The following CLEC2A variants were observed in gnomAD, a reference collection of about 807,000 sequenced individuals.
The protein encoded by CLEC2A is C-type lectin domain family 2 member A.
A neutral mutation model predicts 18.6 loss-of-function variants in CLEC2A; 19 were observed. The ratio of observed to expected loss-of-function variants is 1.02; its 90% CI spans 0.71 to 1.50. CLEC2A has a LOEUF of 1.50. Ranked by LOEUF, CLEC2A falls within the 40% of genes most tolerant of loss-of-function variation. The probability of loss-of-function intolerance (pLI) is 0.00; values close to 1 mark genes in which losing one functional copy is unlikely to be tolerated. For synonymous variants in CLEC2A, 74 were observed against 64.0 expected, an observed-to-expected ratio of 1.16 and a Z score of -0.75; for missense variants, 190 against 207.9, an observed-to-expected ratio of 0.91 and a Z score of 0.53.
Position 9,913,296 on chromosome 12 carries a change from AG to A in CLEC2A, c.*269del. ...AGCTAATCACCAGTGTGATGGTATTAGGGGATGGAGCCATCCATCAGGAGGT... is the reference window on the plus strand; with the variant it reads ...AGCTAATCACCAGTGTGATGGTATTAGGGATGGAGCCATCCATCAGGAGGT... On this transcript the variant is annotated 3_prime_UTR_variant, in exon 5 of 5. Transcript: ENST00000455827. 1 of 385,764 alleles carries A rather than the reference AG, an allele frequency of 2.6e-6. No individual in the cohort carries two copies. The highest frequency in any genetic ancestry group is 7.7e-4 in the Middle Eastern group (1 of 1,296). The allele number at this position is 385,764 out of a possible 1,614,324, so 23.9% of individuals were successfully genotyped here. A position where few individuals can be genotyped will look rare whatever the true frequency, so the allele number is the denominator to read the frequency against.
the CLEC2A span, among the ~76,000 whole-genome samples, chr12:9,885,594 A>C: frequency 6.6e-6 from 1 of 151,974 alleles, no homozygotes; most frequent in South Asian, 2.1e-4. Context: ...GTCCTAAAGC[A>C]ACTTCTGTAG....
At chr12:9,882,098 C>T in the CLEC2A span, among the ~76,000 whole-genome samples, 96 of 151,306 alleles carry the variant, frequency 6.3e-4, no homozygotes, top group African/African-American at 2.2e-3. Flanking sequence ...ACTGGGAATG[C>T]GAGAAGAGAG....
chr12:9,918,526 G>A (rs559904713), intron 3 of CLEC2A, among the ~76,000 whole-genome samples: 26 of 152,324 alleles, frequency 1.7e-4, no homozygotes, highest in African/African-American at 6.3e-4. Context: ...TTGCAGTCAG[G>A]TAACATGATG....
intron 4 of CLEC2A, among the ~76,000 whole-genome samples, chr12:9,899,856 C>G (rs1444273248): frequency 6.6e-6 from 1 of 152,204 alleles, no homozygotes; most frequent in Admixed American, 6.5e-5. Context: ...TTAACTTCCA[C>G]TATCATCTGC....
chr12:9,930,940 AC>A (rs1294228893), intron 1 of CLEC2A, among the ~76,000 whole-genome samples: 2 of 151,916 alleles, frequency 1.3e-5, no homozygotes, highest in African/African-American at 4.8e-5. Flanking sequence ...TATTTCAAAC[AC>A]TATATTTCTA....
At chr12:9,912,863 C>T (rs1863008910), downstream of CLEC2A, among the ~76,000 whole-genome samples, 1 of 152,174 alleles carries the variant, frequency 6.6e-6, no homozygotes, top group Admixed American at 6.5e-5. Context: ...CTGCCTGTCT[C>T]ATTTTCACAC....
downstream of CLEC2A, among the ~76,000 whole-genome samples, chr12:9,894,851 T>C (rs935558253): frequency 6.6e-6 from 1 of 152,018 alleles, no homozygotes; most frequent in African/African-American, 2.4e-5. Flanking sequence ...CTAATTTTTA[T>C]TATAATTAAT....
chr12:9,889,568 T>C, the CLEC2A span, among the ~76,000 whole-genome samples: 2 of 152,120 alleles, frequency 1.3e-5, no homozygotes, highest in Admixed American at 6.5e-5. Flanking sequence ...TGTTGGCCTA[T>C]TCTGTGCGTT....
chr12:9,892,974 T>C, the CLEC2A span: 1 of 1,421,954 alleles, frequency 7.0e-7, no homozygotes, highest in Non-Finnish European at 9.5e-7. Flanking sequence ...CTATCTTCCC[T>C]GTTGGCTGTA....
At chr12:9,921,621 C>G (rs912519566) in intron 3 of CLEC2A, among the ~76,000 whole-genome samples, 3 of 152,038 alleles carry the variant, frequency 2.0e-5, no homozygotes, top group Non-Finnish European at 4.4e-5. Flanking sequence ...AAAACAAAAA[C>G]AGAAAACTTA....
the CLEC2A span, chr12:9,888,645 C>CATT: frequency 1.4e-6 from 1 of 712,858 alleles, no homozygotes; most frequent in Non-Finnish European, 2.4e-6. Context: ...AGTATGCCTT[C>CATT]ATTTTCTGCT....
chr12:9,922,537 A>G (rs1591794597), intron 2 of CLEC2A, among the ~76,000 whole-genome samples: 2 of 152,228 alleles, frequency 1.3e-5, no homozygotes, highest in Admixed American at 1.3e-4. Flanking sequence ...AAATTCTGCA[A>G]TCAAGGTAGA....
chr12:9,909,571 G>C (rs1862952464), downstream of CLEC2A, among the ~76,000 whole-genome samples: 1 of 152,148 alleles, frequency 6.6e-6, no homozygotes, highest in African/African-American at 2.4e-5. Flanking sequence ...TGGAACTTCT[G>C]AACTGGTTAG....
At position 9,922,218 on chromosome 12, in the gene CLEC2A, G is replaced by C; in HGVS notation, c.154C>G (p.His52Asp). 1 of 1,532,130 alleles carries C rather than the reference G, an allele frequency of 6.5e-7. No individual in the cohort carries two copies. Among genetic ancestry groups the C allele is most frequent in the Non-Finnish European group, 8.8e-7 (1 of 1,139,222 alleles). 94.9% of individuals were successfully genotyped at this position (1,532,130 alleles called of 1,614,324 possible). ...CCTGAACATGCCACAGGTTTAGCAT[G>C]CTTGGACCATGTGGCTGAAAAAAAA... ...CIIMIATWSK[H>D]AKPVACSGDW... The change falls in exon 3 of 5, where the codon CAT becomes GAT. Residue 52 changes from histidine (H) to aspartate (D), a missense_variant. Physicochemically the swap from His to Asp is moderately conservative, Grantham distance 81 (BLOSUM62 -1). Transcript: ENST00000455827.
chr12:9,912,090 A>G (rs1041431723), downstream of CLEC2A, among the ~76,000 whole-genome samples: 1 of 152,176 alleles, frequency 6.6e-6, no homozygotes, highest in African/African-American at 2.4e-5. Flanking sequence ...AAAAGGAAAA[A>G]AAAATGTAAA....
chr12:9,919,991 T>C (rs1373978966), intron 3 of CLEC2A, among the ~76,000 whole-genome samples: 3 of 152,158 alleles, frequency 2.0e-5, no homozygotes, highest in African/African-American at 7.2e-5. Flanking sequence ...GGGGGACCAC[T>C]TCCACCCCTG....
At chr12:9,881,678 C>T in the CLEC2A span, 2 of 1,520,458 alleles carry the variant, frequency 1.3e-6, no homozygotes, top group Non-Finnish European at 1.8e-6. Flanking sequence ...AGGAATACTG[C>T]TCCCCATCAC....
intron 3 of CLEC2A, among the ~76,000 whole-genome samples, chr12:9,920,597 T>A (rs1286297138): frequency 2.0e-5 from 3 of 152,128 alleles, no homozygotes; most frequent in African/African-American, 7.2e-5. Flanking sequence ...TTAGTTCCAT[T>A]GCGTGTACCC....
In CLEC2A at chr12:9,913,459, C is replaced by G. The variant is rs1863018218; in HGVS notation, c.*107G>C. The G allele has an allele frequency of 2.1e-6, 3 of 1,437,162 alleles. No individual in the cohort carries two copies. Among genetic ancestry groups the G allele is most frequent in the East Asian group, 2.6e-5 (1 of 39,026 alleles). 89.0% of individuals were successfully genotyped at this position (1,437,162 alleles called of 1,614,324 possible). A position where few individuals can be genotyped will look rare whatever the true frequency, so the allele number is the denominator to read the frequency against. Reference sequence around the variant, plus strand: ...CTATAAACTAGAAAATGGGCCCTCACCAGAGGTTCCGTATTCTGTAACAGA... The same window carrying G: ...CTATAAACTAGAAAATGGGCCCTCAGCAGAGGTTCCGTATTCTGTAACAGA... On this transcript the variant is annotated 3_prime_UTR_variant, in exon 5 of 5. Transcript: ENST00000455827.
Sources: allele counts gnomAD v4.1 joint callset (sites outside exome capture counted in the v4.1 genomes callset), GRCh38; gene constraint gnomAD v4.1.1; transcripts MANE v1.5; gene names NCBI Gene and HGNC (gene_info 2026-07-23, HGNC 2026-07-21).